ITGA11: variants seen among roughly 807,000 people sequenced by gnomAD.
The protein encoded by ITGA11 is integrin alpha-11.
A neutral mutation model predicts 141.9 loss-of-function variants in ITGA11; 97 were observed. That is an observed-to-expected ratio of 0.68 (90% CI 0.58 to 0.81). The LOEUF is 0.81. ITGA11 is among the 30% of genes least tolerant of loss of function. The pLI, the probability that ITGA11 is intolerant of heterozygous loss-of-function variation, is 0.00. For synonymous variants in ITGA11, 658 were observed against 624.6 expected, an observed-to-expected ratio of 1.05 and a Z score of -0.80; for missense variants, 1,387 against 1,559.2, an observed-to-expected ratio of 0.89 and a Z score of 1.86.
intron 2 of ITGA11, among the ~76,000 whole-genome samples, chr15:68,385,502 G>T (rs1326936779): frequency 6.6e-6 from 1 of 152,222 alleles, no homozygotes; most frequent in African/African-American, 2.4e-5. Flanking sequence ...TTGGCCTCTG[G>T]TTTTAGACAT....
At chr15:68,312,696 TC>T in intron 24 of ITGA11, 76 bp downstream of exon 24, 1 of 1,113,286 alleles carries the variant, frequency 9.0e-7, no homozygotes, top group Non-Finnish European at 1.3e-6. Flanking sequence ...TAGCGATGAT[TC>T]CACATTCCTC....
chr15:68,361,609 G>C lies in ITGA11; in HGVS notation c.453C>G (p.Thr151=), dbSNP rs376004479. 1 of 1,606,892 alleles carries C rather than the reference G, an allele frequency of 6.2e-7. No individual in the cohort carries two copies. The highest frequency in any genetic ancestry group is 1.1e-5 in the South Asian group (1 of 89,224). ...ACTTACTTTGGAGAGCTGGGGCCAC[G>C]GTCTTGGAGAACCTGAAGTTGGAGT... ...RVNSNFRFSK[T]VAPALQRCQT... is the part of the protein sequence containing the mutation. The change falls in exon 5 of 30, where the codon ACC becomes ACG. Residue 151 remains threonine (T), a synonymous_variant. Transcript: ENST00000315757.
At chr15:68,331,468 G>A (rs1387965414) in intron 14 of ITGA11, among the ~76,000 whole-genome samples, 1 of 152,092 alleles carries the variant, frequency 6.6e-6, no homozygotes, top group African/African-American at 2.4e-5. Context: ...CCCGAGACGG[G>A]TTGGTTTTGA....
chr15:68,296,639 G>C lies in ITGA11; in HGVS notation c.*6420C>G, dbSNP rs1892916290. On this transcript the variant is annotated 3_prime_UTR_variant, in exon 30 of 30. Coordinates refer to ENST00000315757, the MANE Select transcript of ITGA11 (RefSeq NM_001004439.2). ...GTGTGTGTTTTTTTTCTACTTGTTAGAAGTTCCTTAGAAGTTTGAGGACAT... is the reference window on the plus strand; with the variant it reads ...GTGTGTGTTTTTTTTCTACTTGTTACAAGTTCCTTAGAAGTTTGAGGACAT... The C allele has an allele frequency of 6.6e-6, 1 of 152,068 alleles. No individual in the cohort carries two copies. The highest frequency in any genetic ancestry group is 2.1e-4 in the South Asian group (1 of 4,824). 9.4% of individuals were successfully genotyped at this position (152,068 alleles called of 1,614,324 possible).
At chr15:68,332,861 T>C (rs986476745) in intron 12 of ITGA11, among the ~76,000 whole-genome samples, 15 of 147,870 alleles carry the variant, frequency 1.0e-4, no homozygotes, top group East Asian at 9.6e-4. Context: ...GATTTTATTC[T>C]AGTTTTTTTC....
chr15:68,298,065 AG>A lies in ITGA11; in HGVS notation c.*4993del, dbSNP rs1892946963. 1 of 152,196 alleles carries A rather than the reference AG, an allele frequency of 6.6e-6. No individual in the cohort carries two copies. Among genetic ancestry groups the A allele is most frequent in the South Asian group, 2.1e-4 (1 of 4,832 alleles). The allele number at this position is 152,196 out of a possible 1,614,324, so 9.4% of individuals were successfully genotyped here. ...GTGAGACTGCGGAAATCATCCAGAC[AG>A]GTTTTAAAACATTTTTTTCTTTGTT... On this transcript the variant is annotated 3_prime_UTR_variant, in exon 30 of 30. Transcript: ENST00000315757.
At chr15:68,336,074 C>T (rs1894346679) in intron 11 of ITGA11, 2 of 581,938 alleles carry the variant, frequency 3.4e-6, no homozygotes, top group South Asian at 2.1e-5. Context: ...ACTCACTGCA[C>T]CCCAGCCCCT....
intron 24 of ITGA11, among the ~76,000 whole-genome samples, chr15:68,312,235 T>C (rs964478209): frequency 6.6e-6 from 1 of 152,094 alleles, no homozygotes; most frequent in Non-Finnish European, 1.5e-5. Context: ...AGTCACAACA[T>C]TCTGGATAAA....
chr15:68,315,813 G>T, intron 21 of ITGA11, 86 bp from the exon 22 acceptor site: 1 of 1,150,918 alleles, frequency 8.7e-7, no homozygotes, highest in Non-Finnish European at 1.2e-6. Flanking sequence ...CCCCCTGCTG[G>T]CTTGGGGAGA....
chr15:68,307,260 T>C lies in ITGA11; in HGVS notation c.3381+88A>G. On this transcript the variant is annotated intron_variant, in intron 28 of 29. Coordinates refer to ENST00000315757, the MANE Select transcript of ITGA11 (RefSeq NM_001004439.2). The surrounding 1 kb of genome is among the most constrained non-coding windows in gnomAD (Gnocchi z 6.1). ...CCTGCTGGGACATGCAGCCAGGGGT[T>C]GTAGGAAAACTCTATAGAGGAGCAC... The C allele has an allele frequency of 2.2e-6, 2 of 893,940 alleles. No homozygotes were observed. The highest frequency in any genetic ancestry group is 6.5e-4 in the Middle Eastern group (2 of 3,100). 55.4% of individuals were successfully genotyped at this position (893,940 alleles called of 1,614,324 possible).
chr15:68,350,066 T>C (rs765644773), intron 9 of ITGA11, among the ~76,000 whole-genome samples: 14 of 152,360 alleles, frequency 9.2e-5, no homozygotes, highest in Non-Finnish European at 1.6e-4. Flanking sequence ...CTCAACTCCG[T>C]TGAGTTTCAG....
chr15:68,337,334 C>T (rs1000449668), intron 11 of ITGA11, among the ~76,000 whole-genome samples: 16 of 152,278 alleles, frequency 1.1e-4, no homozygotes, highest in African/African-American at 3.9e-4. Context: ...TCCCTGAAGG[C>T]CTGATGAAAG....
chr15:68,417,092 G>A (rs1235054456), intron 1 of ITGA11, among the ~76,000 whole-genome samples: 1 of 151,902 alleles, frequency 6.6e-6, no homozygotes, highest in East Asian at 1.9e-4. Flanking sequence ...CCTCAACATG[G>A]CCCGAGCTCC....
chr15:68,315,262 C>T (rs762858742), intron 22 of ITGA11, among the ~76,000 whole-genome samples: 1 of 152,190 alleles, frequency 6.6e-6, no homozygotes, highest in Non-Finnish European at 1.5e-5. Context: ...CTTTTCTTAA[C>T]TTGGAAGATG....
At chr15:68,413,322 T>A (rs1210331339) in intron 1 of ITGA11, among the ~76,000 whole-genome samples, 1 of 152,220 alleles carries the variant, frequency 6.6e-6, no homozygotes, top group South Asian at 2.1e-4. Context: ...TACTTATCTA[T>A]GTTCACCACC....
chr15:68,360,081 C>T (rs1004769582), intron 5 of ITGA11, among the ~76,000 whole-genome samples: 17 of 152,278 alleles, frequency 1.1e-4, no homozygotes, highest in East Asian at 1.9e-4. Context: ...TTGAGTGCTC[C>T]GCCACTTCTT....
chr15:68,380,264 C>T (rs1371500069), intron 2 of ITGA11, among the ~76,000 whole-genome samples: 3 of 152,124 alleles, frequency 2.0e-5, no homozygotes, highest in Admixed American at 6.5e-5. Flanking sequence ...TTTTCTTGTT[C>T]GTGGGCCTGT....
intron 10 of ITGA11, among the ~76,000 whole-genome samples, chr15:68,348,067 G>A (rs1894793630): frequency 6.6e-6 from 1 of 152,206 alleles, no homozygotes; most frequent in African/African-American, 2.4e-5. Context: ...GGACTTTACA[G>A]TACATTAAGC....
intron 2 of ITGA11, among the ~76,000 whole-genome samples, chr15:68,385,018 G>A (rs1895949510): frequency 6.6e-6 from 1 of 152,250 alleles, no homozygotes; most frequent in Non-Finnish European, 1.5e-5. Context: ...GCATAGGCCA[G>A]TGTAGGGAAC....
Sources: gnomAD v4.1 joint callset for allele counts (sites outside exome capture counted in the v4.1 genomes callset) on GRCh38, gnomAD v4.1.1 for gene constraint, Gnocchi (gnomAD v3.1) non-coding constraint, MANE v1.5 for transcripts, NCBI Gene and HGNC (gene_info 2026-07-23, HGNC 2026-07-21) for gene names.